SGCD: variants seen among roughly 807,000 people sequenced by gnomAD.
SGCD encodes sarcoglycan delta.
A neutral mutation model predicts 36.6 loss-of-function variants in SGCD; 18 were observed. That is an observed-to-expected ratio of 0.49 (90% CI 0.34 to 0.73). The LOEUF (loss-of-function observed/expected upper bound fraction) is 0.73, where lower values mean the gene tolerates loss of function less well. Among genes scored for constraint, SGCD ranks in the 30% least tolerant of loss-of-function variants. The probability of loss-of-function intolerance (pLI) is 0.01; values close to 1 mark genes in which losing one functional copy is unlikely to be tolerated. For missense variants in SGCD, 387 were observed against 346.7 expected (o/e 1.12, Z -0.92); for synonymous variants, 133 against 130.6 (o/e 1.02, Z -0.12).
chr5:156,607,845 A>T (rs970703027), intron 6 of SGCD, among the ~76,000 whole-genome samples: 2 of 152,084 alleles, frequency 1.3e-5, no homozygotes, highest in South Asian at 2.1e-4. Context: ...AGGTGTTTAT[A>T]TTATTCTCTG....
chr5:156,521,639 C>T (rs1489231202), intron 4 of SGCD, among the ~76,000 whole-genome samples: 1 of 152,204 alleles, frequency 6.6e-6, no homozygotes, highest in African/African-American at 2.4e-5. Context: ...ATCAAATCCA[C>T]AATGAGATAC....
chr5:155,904,807 G>C (rs1193725664), intron 1 of SGCD, among the ~76,000 whole-genome samples: 2 of 152,134 alleles, frequency 1.3e-5, no homozygotes, highest in Non-Finnish European at 2.9e-5. Flanking sequence ...TCATTTGTTT[G>C]TTGAACACTA....
intron 1 of SGCD, among the ~76,000 whole-genome samples, chr5:156,014,141 A>G (rs529161607): frequency 1.8e-4 from 27 of 152,196 alleles, no homozygotes; most frequent in Middle Eastern, 3.4e-3. Flanking sequence ...TGGTCTGTTC[A>G]TCAATCCTTG....
chr5:156,345,127 G>C (rs1768880960), intron 3 of SGCD, among the ~76,000 whole-genome samples: 1 of 152,258 alleles, frequency 6.6e-6, no homozygotes, highest in South Asian at 2.1e-4. Flanking sequence ...AACTATTTAT[G>C]CTTGATTATC....
chr5:156,480,334 T>C (rs1403616268), intron 3 of SGCD, among the ~76,000 whole-genome samples: 5 of 152,232 alleles, frequency 3.3e-5, no homozygotes, highest in Admixed American at 3.3e-4. Context: ...CGTTGGATTC[T>C]TCTCAAATGC....
the SGCD span, among the ~76,000 whole-genome samples, chr5:155,855,476 C>A: frequency 6.6e-6 from 1 of 152,248 alleles, no homozygotes; most frequent in East Asian, 1.9e-4. Flanking sequence ...GGAATCCTTA[C>A]CTCAAAGTCA....
intron 3 of SGCD, among the ~76,000 whole-genome samples, chr5:156,207,976 C>A (rs1281018357): frequency 6.6e-6 from 1 of 152,112 alleles, no homozygotes; most frequent in Middle Eastern, 3.4e-3. Flanking sequence ...TATGTAAAAC[C>A]ATGTCTTTAG....
At chr5:156,426,074 C>T (rs1296234735) in intron 3 of SGCD, among the ~76,000 whole-genome samples, 4 of 151,976 alleles carry the variant, frequency 2.6e-5, no homozygotes, top group African/African-American at 4.8e-5. Context: ...GGGTGGATAC[C>T]GAGTAGTAGG....
chr5:156,189,207 A>T (rs1451204927), intron 3 of SGCD, among the ~76,000 whole-genome samples: 1 of 152,204 alleles, frequency 6.6e-6, no homozygotes, highest in Non-Finnish European at 1.5e-5. Context: ...CCATTAATGC[A>T]GCTATGAAGA....
intron 3 of SGCD, among the ~76,000 whole-genome samples, chr5:156,161,122 C>A (rs1242177091): frequency 6.6e-6 from 1 of 151,660 alleles, no homozygotes; most frequent in Non-Finnish European, 1.5e-5. Context: ...GTGTCTATGG[C>A]TTTGTTTCCA....
At chr5:155,960,544 T>TA (rs1428164201) in intron 1 of SGCD, among the ~76,000 whole-genome samples, 1 of 151,990 alleles carries the variant, frequency 6.6e-6, no homozygotes, top group African/African-American at 2.4e-5. Flanking sequence ...TACCTTACCC[T>TA]AAGCAATTGT....
rs1760107737 is a variant in SGCD at position 156,058,144 on chromosome 5, A to C, written c.-281-59734A>C. Among the ~76,000 whole-genome samples, 3 of 146,212 alleles carry C rather than the reference A, an allele frequency of 2.1e-5. 1 individual carries two copies. In the South Asian group the frequency reaches 6.4e-4, roughly 31 times the overall value. On this transcript the variant is annotated intron_variant, in intron 1 of 9. Transcript: ENST00000517913. The stretch of plus-strand genomic sequence containing the variant: ...AAAGACCACACCAAAACTTATGTTT[A>C]TTCCTACCCAAAAAATCAAAACTGA...
At chr5:156,433,911 A>G (rs1753134983) in intron 3 of SGCD, among the ~76,000 whole-genome samples, 1 of 152,216 alleles carries the variant, frequency 6.6e-6, no homozygotes, top group African/African-American at 2.4e-5. Context: ...CTCAATGTCC[A>G]ATACCTCAGG....
intron 4 of SGCD, among the ~76,000 whole-genome samples, chr5:156,532,987 AG>A (rs1354874322): frequency 6.6e-6 from 1 of 152,184 alleles, no homozygotes; most frequent in Non-Finnish European, 1.5e-5. Context: ...ACTCCAACCC[AG>A]GTTGATTCTC....
intron 7 of SGCD, among the ~76,000 whole-genome samples, chr5:156,741,799 C>T (rs920837406): frequency 1.3e-5 from 2 of 152,092 alleles, no homozygotes; most frequent in African/African-American, 4.8e-5. Flanking sequence ...CTCAATTGCA[C>T]CTTCCTAGTC....
chr5:156,514,000 A>G (rs1757050836), intron 4 of SGCD, among the ~76,000 whole-genome samples: 1 of 152,210 alleles, frequency 6.6e-6, no homozygotes, highest in Non-Finnish European at 1.5e-5. Flanking sequence ...AAAGGTTGTA[A>G]AGTTAAGGGA....
chr5:155,959,691 G>T (rs1433987135), intron 1 of SGCD, among the ~76,000 whole-genome samples: 1 of 152,020 alleles, frequency 6.6e-6, no homozygotes, highest in African/African-American at 2.4e-5. Flanking sequence ...GATATCACTT[G>T]CAAGTTTTAG....
chr5:156,422,212 G>A (rs987347538), intron 3 of SGCD, among the ~76,000 whole-genome samples: 10 of 151,992 alleles, frequency 6.6e-5, no homozygotes, highest in African/African-American at 2.4e-4. Context: ...TAAAAATCTT[G>A]TTGTATAAGG....
At chr5:156,537,581 T>C (rs1758173851) in intron 4 of SGCD, among the ~76,000 whole-genome samples, 1 of 151,906 alleles carries the variant, frequency 6.6e-6, no homozygotes, top group Non-Finnish European at 1.5e-5. Flanking sequence ...AGCGAGGGTG[T>C]TCTTTGATAC....
Sources: gnomAD v4.1 joint callset for allele counts (sites outside exome capture counted in the v4.1 genomes callset) on GRCh38, gnomAD v4.1.1 for gene constraint, MANE v1.5 for transcripts, NCBI Gene and HGNC (gene_info 2026-07-23, HGNC 2026-07-21) for gene names.